The following CDH12 variants were observed in gnomAD, a reference collection of about 807,000 sequenced individuals.
CDH12 encodes the protein cadherin-12.
In CDH12, 41 loss-of-function variants were observed where a neutral mutation model predicts 74.1. That is an observed-to-expected ratio of 0.55 (90% CI 0.43 to 0.72). CDH12 has a LOEUF of 0.72. Among genes scored for constraint, CDH12 ranks in the 30% least tolerant of loss-of-function variants. CDH12 has a pLI of 0.00. For missense variants in CDH12, 945 were observed against 977.2 expected (o/e 0.97, Z 0.44); for synonymous variants, 399 against 355.0 (o/e 1.12, Z -1.39).
intron 1 of CDH12, among the ~76,000 whole-genome samples, chr5:22,544,256 C>T (rs953719409): frequency 1.3e-5 from 2 of 151,990 alleles, no homozygotes; most frequent in Non-Finnish European, 2.9e-5. Flanking sequence ...CATGGTGACT[C>T]CTGTTGTTTA....
chr5:21,777,542 A>G (rs1745660163), intron 11 of CDH12, among the ~76,000 whole-genome samples: 1 of 129,560 alleles, frequency 7.7e-6, no homozygotes, highest in African/African-American at 2.8e-5. Context: ...TTTTTTTTTG[A>G]GACAGAGTCT....
chr5:22,448,359 A>G (rs961702184), intron 2 of CDH12, among the ~76,000 whole-genome samples: 2 of 151,996 alleles, frequency 1.3e-5, no homozygotes, highest in African/African-American at 2.4e-5. Flanking sequence ...AATGAGTCCA[A>G]TTTCCTCTGT....
At chr5:22,118,838 T>C (rs1745324536) in intron 4 of CDH12, among the ~76,000 whole-genome samples, 1 of 152,114 alleles carries the variant, frequency 6.6e-6, no homozygotes, top group Admixed American at 6.6e-5. Flanking sequence ...ATTATTCTTA[T>C]TACCCTAATT....
At chr5:22,683,326 T>C (rs1006722128) in intron 1 of CDH12, among the ~76,000 whole-genome samples, 1 of 152,198 alleles carries the variant, frequency 6.6e-6, no homozygotes, top group African/African-American at 2.4e-5. Flanking sequence ...CAGTGATTTG[T>C]AGCTAAATCA....
At chr5:22,203,263 A>G (rs1304396031) in intron 4 of CDH12, among the ~76,000 whole-genome samples, 1 of 152,122 alleles carries the variant, frequency 6.6e-6, no homozygotes, top group Admixed American at 6.6e-5. Context: ...CCCCCGCCAC[A>G]GCCTCTGCTA....
intron 1 of CDH12, among the ~76,000 whole-genome samples, chr5:22,670,633 A>T (rs1740854938): frequency 6.6e-6 from 1 of 152,084 alleles, no homozygotes; most frequent in South Asian, 2.1e-4. Flanking sequence ...TTTACTGGCT[A>T]TTTCTATAAT....
At chr5:21,787,418 T>TTTG (rs1746255842) in intron 10 of CDH12, among the ~76,000 whole-genome samples, 1 of 151,376 alleles carries the variant, frequency 6.6e-6, no homozygotes, top group Non-Finnish European at 1.5e-5. Context: ...TGTTTTTGTT[T>TTTG]TTTGTTTTGC....
intron 6 of CDH12, among the ~76,000 whole-genome samples, chr5:21,891,114 T>C (rs1752878946): frequency 6.6e-6 from 1 of 152,088 alleles, no homozygotes. Context: ...CTATCCTGAG[T>C]TGTTTATATA....
At chr5:22,547,696 G>T (rs971131526) in intron 1 of CDH12, among the ~76,000 whole-genome samples, 2 of 151,998 alleles carry the variant, frequency 1.3e-5, no homozygotes, top group Non-Finnish European at 2.9e-5. Flanking sequence ...ACATCAAATT[G>T]TGTTCAATAT....
intron 3 of CDH12, among the ~76,000 whole-genome samples, chr5:22,244,128 T>C (rs932127089): frequency 4.6e-5 from 7 of 151,864 alleles, no homozygotes; most frequent in African/African-American, 1.5e-4. Flanking sequence ...ATGAAACATA[T>C]ACTTTAGTGG....
At chr5:22,221,387 C>T (rs1292787434) in intron 3 of CDH12, among the ~76,000 whole-genome samples, 4 of 151,828 alleles carry the variant, frequency 2.6e-5, no homozygotes, top group East Asian at 1.9e-4. Flanking sequence ...AGGTCCTAGA[C>T]ATTATATTAT....
At chr5:22,575,088 C>T (rs1483866086) in intron 1 of CDH12, among the ~76,000 whole-genome samples, 2 of 152,076 alleles carry the variant, frequency 1.3e-5, no homozygotes, top group East Asian at 3.9e-4. Flanking sequence ...TCTAGGACAG[C>T]AGGTAGAAAG....
intron 2 of CDH12, among the ~76,000 whole-genome samples, chr5:22,417,107 G>T (rs995249573): frequency 1.3e-5 from 2 of 152,064 alleles, no homozygotes; most frequent in Admixed American, 1.3e-4. Flanking sequence ...TTAAAACTGT[G>T]AATTGAAAAT....
intron 3 of CDH12, chr5:22,278,087 T>G (rs1054360662): frequency 6.6e-6 from 1 of 152,216 alleles, no homozygotes; most frequent in Non-Finnish European, 1.5e-5. Context: ...AGGCTTTTAT[T>G]GATTTAACTG....
At chr5:22,281,346 T>G (rs886337940) in intron 3 of CDH12, among the ~76,000 whole-genome samples, 3 of 152,084 alleles carry the variant, frequency 2.0e-5, no homozygotes, top group African/African-American at 7.2e-5. Flanking sequence ...ACCACTCCTA[T>G]TAAACAAGGT....
chr5:21,796,706 AC>A lies in CDH12; in HGVS notation c.1256+5460del, dbSNP rs1181157125. Among the ~76,000 whole-genome samples the A allele has an allele frequency of 2.0e-5, 3 of 152,198 alleles. No homozygotes were observed. The East Asian group carries it at 5.8e-4, about 29-fold the overall frequency. ...TTTAAATTTATTCCAAGGATAACAG[AC>A]TTTTATACGTTTGGAACAAAAGAAA... On this transcript the variant is annotated intron_variant, in intron 10 of 14. Transcript: ENST00000382254.
At chr5:22,451,165 G>T (rs1745028252) in intron 2 of CDH12, among the ~76,000 whole-genome samples, 1 of 151,844 alleles carries the variant, frequency 6.6e-6, no homozygotes, top group Non-Finnish European at 1.5e-5. Flanking sequence ...ACATGATCAT[G>T]TTCACTCCTT....
At chr5:22,350,866 G>A (rs928283356) in intron 3 of CDH12, among the ~76,000 whole-genome samples, 3 of 152,158 alleles carry the variant, frequency 2.0e-5, no homozygotes, top group African/African-American at 7.2e-5. Context: ...TATAGGCAAA[G>A]GTGAGGGAAA....
chr5:22,735,663 T>C (rs772308252), intron 1 of CDH12, among the ~76,000 whole-genome samples: 26 of 152,042 alleles, frequency 1.7e-4, no homozygotes, highest in Non-Finnish European at 2.8e-4. Flanking sequence ...CAAATCTCGT[T>C]AGAACTTCTA....
Sources: allele counts gnomAD v4.1 joint callset (sites outside exome capture counted in the v4.1 genomes callset), GRCh38; gene constraint gnomAD v4.1.1; transcripts MANE v1.5; gene names NCBI Gene and HGNC (gene_info 2026-07-23, HGNC 2026-07-21).